Variants in PPM1E observed in about 807,000 individuals in gnomAD.
PPM1E encodes the protein protein phosphatase, Mg2+/Mn2+ dependent 1E.
PPM1E carries 20 observed loss-of-function variants against 65.9 expected under a neutral mutation model. The observed-to-expected ratio is 0.30, with a 90% CI of 0.21 to 0.44. PPM1E has a LOEUF of 0.44. Ranked by LOEUF, PPM1E falls within the 20% of genes least tolerant of loss-of-function variation. The pLI is 1.00. For synonymous variants in PPM1E, 352 were observed against 374.9 expected (o/e 0.94, Z 0.70); for missense variants, 713 against 953.1 (o/e 0.75, Z 3.32).
intron 1 of PPM1E, among the ~76,000 whole-genome samples, chr17:58,779,325 CCA>C (rs1228619336): frequency 6.6e-6 from 1 of 151,754 alleles, no homozygotes; most frequent in Non-Finnish European, 1.5e-5. Flanking sequence ...GCATGCACCA[CCA>C]CACCCAGCTA....
chr17:58,955,855 C>G (rs999150128), intron 2 of PPM1E, 88 bp downstream of exon 2: 23 of 1,386,566 alleles, frequency 1.7e-5, no homozygotes, highest in Non-Finnish European at 1.9e-5. Context: ...AATACTAAAT[C>G]TAATTACATT....
intron 1 of PPM1E, among the ~76,000 whole-genome samples, chr17:58,853,266 T>C (rs969308601): frequency 4.6e-5 from 7 of 152,146 alleles, no homozygotes; most frequent in African/African-American, 1.7e-4. Context: ...CATGGAGCCA[T>C]TTGGGGTTAA....
At chr17:58,886,027 C>T (rs2051262125) in intron 1 of PPM1E, among the ~76,000 whole-genome samples, 1 of 152,142 alleles carries the variant, frequency 6.6e-6, no homozygotes, top group Admixed American at 6.5e-5. Context: ...ACCAATGTCC[C>T]CCTTTGTAAT....
At chr17:58,952,545 G>A (rs933842482) in intron 1 of PPM1E, among the ~76,000 whole-genome samples, 3 of 152,202 alleles carry the variant, frequency 2.0e-5, no homozygotes, top group African/African-American at 7.2e-5. Context: ...TACTGCTTGG[G>A]GGTGTGCCTG....
At chr17:58,960,360 TTTTGGCCAAAGGAATGGGG>T (rs2029992132) in intron 2 of PPM1E, among the ~76,000 whole-genome samples, 1 of 152,200 alleles carries the variant, frequency 6.6e-6, no homozygotes, top group Non-Finnish European at 1.5e-5. Context: ...AACTAATCAC[TTTTGGCCAAAGGAATGGGG>T]TTGTCTAACT....
Position 58,982,416 on chromosome 17 carries a change from C to G in PPM1E, c.*1385C>G, listed in dbSNP as rs528402604. 6.5e-6 allele frequency: 1 copy of G among 152,970 alleles called. No homozygotes were observed. Among genetic ancestry groups the G allele is most frequent in the East Asian group, 1.9e-4 (1 of 5,194 alleles). The allele number at this position is 152,970 out of a possible 1,614,324, so 9.5% of individuals were successfully genotyped here. ...TTACCCTCCCCTAGTCAACAGCAGA[C>G]CAGCCTGGCCAATGCCTATGGGTGG... On this transcript the variant is annotated 3_prime_UTR_variant, in exon 7 of 7. Coordinates refer to ENST00000308249, the MANE Select transcript of PPM1E (RefSeq NM_014906.5).
At chr17:58,803,848 A>G (rs1317149127) in intron 1 of PPM1E, among the ~76,000 whole-genome samples, 1 of 152,220 alleles carries the variant, frequency 6.6e-6, no homozygotes, top group Non-Finnish European at 1.5e-5. Context: ...CTACCTTGCC[A>G]TTATGTTCAG....
At chr17:58,778,333 C>T (rs2050014127) in intron 1 of PPM1E, among the ~76,000 whole-genome samples, 1 of 151,362 alleles carries the variant, frequency 6.6e-6, no homozygotes. Flanking sequence ...CTCCTGACCT[C>T]AGGTGATCCA....
chr17:58,889,869 T>A (rs2051324583), intron 1 of PPM1E, among the ~76,000 whole-genome samples: 1 of 152,212 alleles, frequency 6.6e-6, no homozygotes, highest in African/African-American at 2.4e-5. Flanking sequence ...ATAATAAGCT[T>A]CAGTTGTCTT....
intron 1 of PPM1E, among the ~76,000 whole-genome samples, chr17:58,788,906 G>T (rs756104690): frequency 2.6e-5 from 4 of 152,162 alleles, no homozygotes; most frequent in Non-Finnish European, 5.9e-5. Context: ...TACTTGAAAT[G>T]ATTTTTAATA....
chr17:58,850,240 T>C (rs1395821896), intron 1 of PPM1E, among the ~76,000 whole-genome samples: 55 of 149,060 alleles, frequency 3.7e-4, no homozygotes, highest in African/African-American at 5.9e-4. Flanking sequence ...AATTTGGCAG[T>C]CTGTGTCTTT....
At chr17:58,897,258 CA>C (rs1281904989) in intron 1 of PPM1E, among the ~76,000 whole-genome samples, 1 of 151,710 alleles carries the variant, frequency 6.6e-6, no homozygotes, top group African/African-American at 2.4e-5. Context: ...ACTAAAAATA[CA>C]AAAAATTAGC....
intron 1 of PPM1E, among the ~76,000 whole-genome samples, chr17:58,778,871 A>G (rs1204068244): frequency 6.8e-6 from 1 of 148,014 alleles, no homozygotes; most frequent in Non-Finnish European, 1.5e-5. Flanking sequence ...CTTTAGGAAT[A>G]GTTTTCTCTA....
chr17:58,917,514 C>A (rs2051698074), intron 1 of PPM1E, among the ~76,000 whole-genome samples: 2 of 152,182 alleles, frequency 1.3e-5, no homozygotes, highest in Non-Finnish European at 2.9e-5. Flanking sequence ...AAGGAGACAT[C>A]TTTCTGAAAA....
chr17:58,767,014 G>C (rs369418677), intron 1 of PPM1E, among the ~76,000 whole-genome samples: 5 of 152,082 alleles, frequency 3.3e-5, no homozygotes, highest in Non-Finnish European at 5.9e-5. Context: ...ACAGTTTTGT[G>C]TCTAATAAAA....
At chr17:58,758,785 T>G (rs555204281) in intron 1 of PPM1E, among the ~76,000 whole-genome samples, 5 of 152,268 alleles carry the variant, frequency 3.3e-5, no homozygotes, top group South Asian at 2.1e-4. Flanking sequence ...TTAACAGGTT[T>G]AAAAACAGTT....
chr17:58,781,992 A>G (rs2050055135), intron 1 of PPM1E, among the ~76,000 whole-genome samples: 1 of 152,150 alleles, frequency 6.6e-6, no homozygotes, highest in Non-Finnish European at 1.5e-5. Flanking sequence ...TTTTTTTCCA[A>G]CAAAAAATGT....
At position 58,791,269 on chromosome 17, in the gene PPM1E, A is replaced by G. The variant is rs573190803; in HGVS notation, c.464+34808A>G. On this transcript the variant is annotated intron_variant, in intron 1 of 6. Transcript: ENST00000308249. Reference sequence around the variant, plus strand: ...TATAATACATTTTGGTTATCTAACCAGAATGTAAATTATCAGATTATCAGA... The same window carrying G: ...TATAATACATTTTGGTTATCTAACCGGAATGTAAATTATCAGATTATCAGA... 3.0e-3 allele frequency among the ~76,000 whole-genome samples: 460 copies of G among 152,338 alleles called. 3 individuals are homozygous for G. Among genetic ancestry groups the G allele is most frequent in the Non-Finnish European group, 5.3e-3 (359 of 68,030 alleles).
chr17:58,896,547 T>C (rs1470457716), intron 1 of PPM1E, among the ~76,000 whole-genome samples: 1 of 152,158 alleles, frequency 6.6e-6, no homozygotes, highest in African/African-American at 2.4e-5. Context: ...AATGCACCAC[T>C]GCACTCCAGC....
Sources: gnomAD v4.1 joint callset for allele counts (sites outside exome capture counted in the v4.1 genomes callset) on GRCh38, gnomAD v4.1.1 for gene constraint, MANE v1.5 for transcripts, NCBI Gene and HGNC (gene_info 2026-07-23, HGNC 2026-07-21) for gene names.